Variants in ETFA observed in about 807,000 individuals in gnomAD.
ETFA encodes the protein electron transfer flavoprotein subunit alpha, mitochondrial.
A neutral mutation model predicts 46.2 loss-of-function variants in ETFA; 22 were observed. The observed-to-expected ratio is 0.48, with a 90% CI of 0.34 to 0.68. The LOEUF is 0.68. ETFA is among the 30% of genes least tolerant of loss of function. The pLI, the probability that ETFA is intolerant of heterozygous loss-of-function variation, is 0.01. For missense variants in ETFA, 345 were observed against 401.1 expected (o/e 0.86, Z 1.19); for synonymous variants, 131 against 139.9 (o/e 0.94, Z 0.45).
rs2038902609 is a variant in ETFA, at chr15:76,216,891, G to C, written c.964-294C>G. Among the ~76,000 whole-genome samples, 3 of 126,926 alleles carry C rather than the reference G, an allele frequency of 2.4e-5. No homozygotes were observed. In the Admixed American group the frequency reaches 3.0e-4, roughly 13 times the overall value. 83.3% of individuals were successfully genotyped at this position (126,926 alleles called of 152,430 possible). A position where few individuals can be genotyped will look rare whatever the true frequency, so the allele number is the denominator to read the frequency against. On this transcript the variant is annotated intron_variant, in intron 11 of 11. Transcript: ENST00000557943. The stretch of plus-strand genomic sequence containing the variant: ...GACAGGCTCTCACTCTGTCACCCAG[G>C]CTGCAGTGCAGTGGTACAATTATGG...
chr15:76,231,406 A>G lies in ETFA; in HGVS notation c.817-8T>C. On this transcript the variant is annotated splice_region_variant and splice_polypyrimidine_tract_variant and intron_variant, in intron 9 of 11. Coordinates refer to ENST00000557943, the MANE Select transcript of ETFA (RefSeq NM_000126.4). ...AACAGCAATATAAAGTTCCTGAAAT[A>G]AAAGAGGTCACATTATTAATATGTA... 1 of 1,560,404 alleles carries G rather than the reference A, an allele frequency of 6.4e-7. No individual in the cohort carries two copies. The highest frequency in any genetic ancestry group is 8.8e-7 in the Non-Finnish European group (1 of 1,131,568).
intron 9 of ETFA, among the ~76,000 whole-genome samples, chr15:76,268,802 A>G (rs2039499042): frequency 6.6e-6 from 1 of 152,256 alleles, no homozygotes; most frequent in South Asian, 2.1e-4. Context: ...TGGATCACCA[A>G]CAGGCAATTA....
chr15:76,298,120 G>A (rs2039844553), intron 1 of ETFA, among the ~76,000 whole-genome samples: 1 of 151,322 alleles, frequency 6.6e-6, no homozygotes, highest in Non-Finnish European at 1.5e-5. Flanking sequence ...TTGACTCACT[G>A]CAACCACCGC....
intron 2 of ETFA, among the ~76,000 whole-genome samples, chr15:76,293,020 C>T (rs1219255285): frequency 6.6e-6 from 1 of 152,054 alleles, no homozygotes; most frequent in Non-Finnish European, 1.5e-5. Flanking sequence ...ACCTGTAATC[C>T]CAGCTACTTG....
At chr15:76,236,123 G>A (rs1262771657) in intron 9 of ETFA, among the ~76,000 whole-genome samples, 4 of 152,116 alleles carry the variant, frequency 2.6e-5, no homozygotes, top group African/African-American at 9.7e-5. Context: ...CCCAAAACAC[G>A]TGCCCAAACC....
intron 10 of ETFA, among the ~76,000 whole-genome samples, chr15:76,226,903 AAATAC>A: frequency 6.6e-6 from 1 of 152,250 alleles, no homozygotes; most frequent in South Asian, 2.1e-4. Context: ...AAATAAAATA[AAATAC>A]AATAGAATAA....
At chr15:76,309,678 T>C (rs1450480848) in intron 1 of ETFA, among the ~76,000 whole-genome samples, 3 of 152,192 alleles carry the variant, frequency 2.0e-5, no homozygotes, top group Non-Finnish European at 4.4e-5. Context: ...CCCACCACAA[T>C]TATAATTTCA....
At chr15:76,271,855 T>C (rs975448643) in intron 9 of ETFA, among the ~76,000 whole-genome samples, 1 of 152,012 alleles carries the variant, frequency 6.6e-6, no homozygotes, top group Non-Finnish European at 1.5e-5. Flanking sequence ...AAAATGTACA[T>C]ACATAAATTA....
chr15:76,259,629 A>G (rs2141492161), intron 9 of ETFA: 1 of 883,758 alleles, frequency 1.1e-6, no homozygotes, highest in East Asian at 2.4e-5. Flanking sequence ...CAGCCACTTG[A>G]CGGGCAATTT....
chr15:76,268,027 G>A (rs774742698), intron 9 of ETFA, among the ~76,000 whole-genome samples: 8 of 152,054 alleles, frequency 5.3e-5, no homozygotes, highest in African/African-American at 1.2e-4. Context: ...CAATACTATT[G>A]CACAAGAAGG....
intron 8 of ETFA, among the ~76,000 whole-genome samples, chr15:76,283,054 A>C (rs184256641): frequency 3.3e-5 from 5 of 152,210 alleles, no homozygotes; most frequent in Non-Finnish European, 4.4e-5. Flanking sequence ...CTACAATTCT[A>C]TATTTTTAAC....
chr15:76,260,135 C>T, intron 9 of ETFA: 2 of 1,478,738 alleles, frequency 1.4e-6, no homozygotes, highest in Non-Finnish European at 1.9e-6. Flanking sequence ...TCTCCTTTGC[C>T]CTATATCCAG....
intron 9 of ETFA, among the ~76,000 whole-genome samples, chr15:76,248,411 T>C (rs1358490000): frequency 6.6e-6 from 1 of 151,820 alleles, no homozygotes; most frequent in Non-Finnish European, 1.5e-5. Flanking sequence ...TAAACCAAAA[T>C]GTGAAGGACA....
chr15:76,310,570 T>C (rs145956327), intron 1 of ETFA, among the ~76,000 whole-genome samples: 1 of 152,294 alleles, frequency 6.6e-6, no homozygotes, highest in East Asian at 1.9e-4. Context: ...AAGGAAAATA[T>C]GTTTCCTATC....
intron 9 of ETFA, among the ~76,000 whole-genome samples, chr15:76,235,201 C>T (rs1400867659): frequency 6.6e-6 from 1 of 152,126 alleles, no homozygotes; most frequent in Non-Finnish European, 1.5e-5. Context: ...ATCAGATTTC[C>T]CAAGACACAT....
intron 1 of ETFA, among the ~76,000 whole-genome samples, chr15:76,299,672 C>T (rs1232005421): frequency 6.6e-6 from 1 of 152,170 alleles, no homozygotes; most frequent in Non-Finnish European, 1.5e-5. Flanking sequence ...CTAAAGCCAT[C>T]AAGGGACCTG....
At chr15:76,231,157 C>T (rs1383077346) in intron 10 of ETFA, 176 bp downstream of exon 10, 1 of 607,604 alleles carries the variant, frequency 1.6e-6, no homozygotes, top group Non-Finnish European at 3.0e-6. Flanking sequence ...AGCACTGCCT[C>T]TGTGACCAAT....
At chr15:76,282,266 A>G (rs1403555833) in intron 8 of ETFA, among the ~76,000 whole-genome samples, 1 of 152,148 alleles carries the variant, frequency 6.6e-6, no homozygotes, top group Non-Finnish European at 1.5e-5. Context: ...AGATGATATG[A>G]AGACAGAGGC....
intron 9 of ETFA, among the ~76,000 whole-genome samples, chr15:76,232,333 A>AT (rs2039077382): frequency 6.6e-6 from 1 of 152,236 alleles, no homozygotes; most frequent in African/African-American, 2.4e-5. Context: ...ACCAGGTATG[A>AT]TTAAAGCTTC....
Sources: allele counts gnomAD v4.1 joint callset (sites outside exome capture counted in the v4.1 genomes callset), GRCh38; gene constraint gnomAD v4.1.1; transcripts MANE v1.5; gene names NCBI Gene and HGNC (gene_info 2026-07-23, HGNC 2026-07-21).